Variants in PCNX2 observed in about 807,000 individuals in gnomAD.
The protein encoded by PCNX2 is pecanex-like protein 2.
PCNX2 carries 168 observed loss-of-function variants against 223.8 expected under a neutral mutation model. The observed-to-expected ratio is 0.75, with a 90% CI of 0.66 to 0.85. PCNX2 has a LOEUF of 0.85. PCNX2 is among the 40% of genes least tolerant of loss of function. The pLI, the probability that PCNX2 is intolerant of heterozygous loss-of-function variation, is 0.00. For missense variants in PCNX2, 2,507 were observed against 2,675.5 expected (o/e 0.94, Z 1.39); for synonymous variants, 1,006 against 1,052.6 (o/e 0.96, Z 0.86).
chr1:233,144,173 C>A (rs1389689144), intron 19 of PCNX2, among the ~76,000 whole-genome samples: 2 of 151,978 alleles, frequency 1.3e-5, no homozygotes, highest in Admixed American at 6.6e-5. Context: ...AGAGCGTAGA[C>A]CCTGTCTCAA....
rs1328031625 is a variant in PCNX2, at chr1:233,160,346, G to T, written c.3454C>A (p.Pro1152Thr). The T allele has an allele frequency of 6.2e-7, 1 of 1,613,584 alleles. No homozygotes were observed. Among genetic ancestry groups the T allele is most frequent in the East Asian group, 2.2e-5 (1 of 44,872 alleles). ...ATGGGGTGTGAAATCCACATCCAGG[G>T]ATGATGCTTGCGGAGCTGAGGGAGC... is the stretch of plus-strand genomic sequence containing the variant. ...YVLPQLRKHH[P>T]WMWISHPILK... Residue 1152 changes from proline (P) to threonine (T), a missense_variant, in exon 19 of 34, where the codon CCC (proline) becomes ACC (threonine). Pro to Thr is a conservative substitution (Grantham distance 38). Around this residue, in one of 3 missense-constraint regions of PCNX2, gnomAD observed 1,372 missense variants for 1,509.4 expected, o/e 0.91. Transcript: ENST00000258229.
At chr1:233,203,684 C>T (rs1681267901) in intron 13 of PCNX2, among the ~76,000 whole-genome samples, 1 of 152,138 alleles carries the variant, frequency 6.6e-6, no homozygotes, top group Admixed American at 6.5e-5. Context: ...TTATCTCATA[C>T]CACTGGCTCA....
At chr1:233,133,277 A>G (rs936100473) in intron 21 of PCNX2, among the ~76,000 whole-genome samples, 5 of 152,196 alleles carry the variant, frequency 3.3e-5, no homozygotes, top group African/African-American at 9.7e-5. Flanking sequence ...TAGTTTAAAG[A>G]TTATAGGATA....
chr1:233,042,880 C>G (rs567333089), intron 25 of PCNX2, among the ~76,000 whole-genome samples: 1 of 152,260 alleles, frequency 6.6e-6, no homozygotes, highest in South Asian at 2.1e-4. Flanking sequence ...CACTATGATA[C>G]AAATTCCAAA....
intron 1 of PCNX2, among the ~76,000 whole-genome samples, chr1:233,274,186 T>C (rs142890920): frequency 4.4e-4 from 67 of 152,344 alleles, no homozygotes; most frequent in African/African-American, 1.6e-3. Flanking sequence ...ACTAAAATCA[T>C]GGACTTCATC....
chr1:233,276,488 C>T (rs11588517), intron 1 of PCNX2, among the ~76,000 whole-genome samples: 1,573 of 152,278 alleles, frequency 0.01, 16 homozygotes, highest in Non-Finnish European at 0.015. Context: ...ATGTTATATA[C>T]ATCTTATCAC....
intron 1 of PCNX2, among the ~76,000 whole-genome samples, chr1:233,274,112 G>T (rs1660792395): frequency 6.6e-6 from 1 of 152,144 alleles, no homozygotes; most frequent in Non-Finnish European, 1.5e-5. Flanking sequence ...TCCCAATTTA[G>T]AACCAGTGTG....
Position 233,200,289 on chromosome 1 carries a change from C to T in PCNX2, c.2864-25G>A, listed in dbSNP as rs371752216. 4.7e-5 allele frequency: 71 copies of T among 1,496,750 alleles called. No individual in the cohort carries two copies. The South Asian group carries it at 4.8e-4, about 10-fold the overall frequency. The allele number at this position is 1,496,750 out of a possible 1,614,324, so 92.7% of individuals were successfully genotyped here. On this transcript the variant is annotated intron_variant, in intron 13 of 33. Coordinates refer to ENST00000258229, the MANE Select transcript of PCNX2 (RefSeq NM_014801.4). Reference sequence around the variant, plus strand: ...ACTGAAAATGAACAAACAAAATTGACGATAAGCATGGGGAACTGTGTTGCC... The same window carrying T: ...ACTGAAAATGAACAAACAAAATTGATGATAAGCATGGGGAACTGTGTTGCC...
chr1:233,201,176 A>G (rs558334816), intron 13 of PCNX2, among the ~76,000 whole-genome samples: 30 of 151,482 alleles, frequency 2.0e-4, no homozygotes, highest in African/African-American at 6.8e-4. Context: ...GAACTGTTCC[A>G]AGTCTTTGTG....
At chr1:233,032,921 A>G (rs1671320012) in intron 25 of PCNX2, 1 of 911,382 alleles carries the variant, frequency 1.1e-6, no homozygotes, top group Non-Finnish European at 1.3e-6. Context: ...ATCATATTAA[A>G]AAAGAATATG....
chr1:233,300,238 T>C (rs1291485111), upstream of PCNX2, among the ~76,000 whole-genome samples: 1 of 152,250 alleles, frequency 6.6e-6, no homozygotes, highest in Non-Finnish European at 1.5e-5. Flanking sequence ...TTATTAAGAT[T>C]GCTCAATAAC....
intron 1 of PCNX2, among the ~76,000 whole-genome samples, chr1:233,279,755 T>C (rs1024618808): frequency 6.6e-6 from 1 of 152,220 alleles, no homozygotes; most frequent in African/African-American, 2.4e-5. Context: ...TCAAATCTTA[T>C]TAATAAGCTT....
intron 30 of PCNX2, 73 bp from the exon 31 acceptor site, chr1:232,999,452 CTT>C (rs61543110): frequency 0.064 from 71,498 of 1,119,666 alleles, 2 homozygotes; most frequent in South Asian, 0.07. Flanking sequence ...TTTTCTTTTT[CTT>C]TTTTTTTTTT....
intron 23 of PCNX2, among the ~76,000 whole-genome samples, chr1:233,072,239 T>C (rs1342100117): frequency 1.3e-5 from 2 of 152,240 alleles, no homozygotes; most frequent in African/African-American, 4.8e-5. Flanking sequence ...CAAAATGGTA[T>C]TGCCTAGGTT....
At chr1:233,241,306 C>T in intron 8 of PCNX2, 1 of 985,396 alleles carries the variant, frequency 1.0e-6, no homozygotes, top group Non-Finnish European at 1.2e-6. Context: ...CGGAACAGAA[C>T]CACACTGAGC....
At chr1:233,013,866 C>A (rs553447145) in intron 28 of PCNX2, among the ~76,000 whole-genome samples, 5 of 152,050 alleles carry the variant, frequency 3.3e-5, no homozygotes, top group Non-Finnish European at 7.4e-5. Context: ...TATTTAAAAG[C>A]CTGACAGGAG....
At chr1:233,073,968 A>AATCTC (rs1479467169) in intron 23 of PCNX2, among the ~76,000 whole-genome samples, 14 of 152,114 alleles carry the variant, frequency 9.2e-5, no homozygotes, top group African/African-American at 2.9e-4. Flanking sequence ...TTCCTCTGAG[A>AATCTC]ACTGCTTTTC....
intron 22 of PCNX2, among the ~76,000 whole-genome samples, chr1:233,091,167 T>A (rs2102940505): frequency 6.6e-6 from 1 of 152,268 alleles, no homozygotes; most frequent in Middle Eastern, 3.4e-3. Flanking sequence ...AATATCGACA[T>A]CCTTCCTGGT....
chr1:233,257,252 GA>G (rs1234833485), intron 5 of PCNX2, among the ~76,000 whole-genome samples: 6 of 104,038 alleles, frequency 5.8e-5, no homozygotes, highest in Admixed American at 1.2e-4. Flanking sequence ...AGCACCTCCT[GA>G]ACTTACTAGA....
Sources: allele counts gnomAD v4.1 joint callset (sites outside exome capture counted in the v4.1 genomes callset), GRCh38; gene constraint gnomAD v4.1.1; regional missense constraint gnomAD v4.1.1; transcripts MANE v1.5; gene names NCBI Gene and HGNC (gene_info 2026-07-23, HGNC 2026-07-21).